Variants in KIAA1210 observed in about 807,000 individuals in gnomAD.
KIAA1210 encodes acrosomal protein KIAA1210.
A neutral mutation model predicts 78.9 loss-of-function variants in KIAA1210; 48 were observed. The ratio of observed to expected loss-of-function variants is 0.61; its 90% CI spans 0.48 to 0.77. KIAA1210 has a LOEUF of 0.77. Ranked by LOEUF, KIAA1210 falls within the 30% of genes least tolerant of loss-of-function variation. The pLI, the probability that KIAA1210 is intolerant of heterozygous loss-of-function variation, is 0.00. For synonymous variants in KIAA1210, 406 were observed against 404.5 expected, an observed-to-expected ratio of 1.00 and a Z score of -0.04; for missense variants, 1,108 against 1,100.0, an observed-to-expected ratio of 1.01 and a Z score of -0.10.
rs1926854675 is a variant in KIAA1210 at position 119,078,957 on chromosome X, G to A, written c.*2372C>T. The A allele has an allele frequency of 8.9e-6, 1 of 112,128 alleles. No individual in the cohort carries two copies. Among genetic ancestry groups the A allele is most frequent in the African/African-American group, 3.2e-5 (1 of 30,817 alleles). The allele number at this position is 112,128 out of a possible 1,213,427, so 9.2% of individuals were successfully genotyped here. A position where few individuals can be genotyped will look rare whatever the true frequency, so the allele number is the denominator to read the frequency against. On this transcript the variant is annotated 3_prime_UTR_variant, in exon 12 of 12. Transcript: ENST00000691062. ...GTTCACTGTAAAAAAGGGAAGGGAG[G>A]TGTAACAGCTAATCTACCAGGAGTA...
intron 2 of KIAA1210, among the ~76,000 whole-genome samples, chrX:119,145,393 AAT>A (rs762090273): frequency 2.4e-4 from 26 of 110,496 alleles, no homozygotes; most frequent in Non-Finnish European, 4.0e-4. Context: ...GACAACCAAA[AAT>A]GTCTCCAGAC....
Position 119,086,896 on chromosome X carries a change from C to T in KIAA1210, c.3806G>A (p.Gly1269Asp), listed in dbSNP as rs746608317. 8.3e-6 allele frequency: 10 copies of T among 1,209,070 alleles called. No homozygotes were observed. In the Admixed American group the frequency reaches 1.3e-4, roughly 16 times the overall value. The change falls in exon 9 of 12, where the codon GGC becomes GAC. Residue 1269 changes from glycine (G) to aspartate (D), a missense_variant. Physicochemically the swap from Gly to Asp is moderately conservative, Grantham distance 94. This residue lies in a region of KIAA1210 where 245 missense variants were observed against 278.8 expected (regional missense o/e 0.88). Coordinates refer to ENST00000691062, the MANE Select transcript of KIAA1210 (RefSeq NM_001394962.1). ...AAGATCTTCTTTCTTAGAGTAAATG[C>T]CCCCAGAAGTGGATGTTTGCCTGAC... ...APVRQTSTSG[G>D]IYSKKEDLES...
chrX:119,116,667 G>A lies in KIAA1210; in HGVS notation c.62-3C>T. 8.4e-7 allele frequency: 1 copy of A among 1,194,006 alleles called. No individual in the cohort carries two copies. The highest frequency in any genetic ancestry group is 1.1e-6 in the Non-Finnish European group (1 of 884,814). On this transcript the variant is annotated splice_polypyrimidine_tract_variant and splice_region_variant and intron_variant, in intron 2 of 11. Transcript: ENST00000691062. Reference sequence around the variant, plus strand: ...TTTAAATTTGCATTTCTTCTTTCCTGGAAGTGAAAAATGAAAATGAGGCAG... The same window carrying A: ...TTTAAATTTGCATTTCTTCTTTCCTAGAAGTGAAAAATGAAAATGAGGCAG...
chrX:119,149,147 G>T (rs1474155197), intron 1 of KIAA1210, among the ~76,000 whole-genome samples: 3 of 109,835 alleles, frequency 2.7e-5, no homozygotes, highest in Non-Finnish European at 3.8e-5. Flanking sequence ...CTGGAGCCTA[G>T]GAAAAAGCTC....
Position 119,088,302 on chromosome X carries a change from A to C in KIAA1210, c.2400T>G (p.Ile800Met), listed in dbSNP as rs1027971122. ...GTTTAGGAGGCAGAGGCTTCATAGA[A>C]ATGCTCTCTTCAACAGCCATGCTCT... ...SPKSMAVEES[I>M]SMKPLPPKLL... Residue 800 changes from isoleucine (I) to methionine (M), a missense_variant, in exon 9 of 12, where the codon ATT (isoleucine) becomes ATG (methionine). By Grantham distance (10) the Ile-to-Met change is conservative. Around this residue, in one of 5 missense-constraint regions of KIAA1210, gnomAD observed 672 missense variants for 607.1 expected, o/e 1.11. Transcript: ENST00000691062. The C allele has an allele frequency of 8.3e-7, 1 of 1,209,161 alleles. No homozygotes were observed. Among genetic ancestry groups the C allele is most frequent in the African/African-American group, 1.8e-5 (1 of 56,943 alleles).
chrX:119,149,431 G>T (rs1186868691), intron 1 of KIAA1210, among the ~76,000 whole-genome samples: 1 of 111,048 alleles, frequency 9.0e-6, no homozygotes, highest in Non-Finnish European at 1.9e-5. Context: ...CTAGCTTTGT[G>T]CCGAATTGTC....
At position 119,090,139 on chromosome X, in the gene KIAA1210, T is replaced by C. The variant is rs146609732; in HGVS notation, c.956-393A>G. 9.4e-4 allele frequency among the ~76,000 whole-genome samples: 104 copies of C among 110,170 alleles called. No individual in the cohort carries two copies. In the East Asian group the frequency reaches 0.028, roughly 30 times the overall value. On this transcript the variant is annotated intron_variant, in intron 8 of 11. Transcript: ENST00000691062. ...ATTTCTATTTTCTACATAATATTTA[T>C]CTGAACTACCTGAAATTTCATATCA...
intron 8 of KIAA1210, among the ~76,000 whole-genome samples, chrX:119,092,295 A>G (rs1206961734): frequency 9.0e-6 from 1 of 111,221 alleles, no homozygotes; most frequent in African/African-American, 3.3e-5. Context: ...TTCCCTCACT[A>G]TCTGCTGCAT....
chrX:119,120,179 C>G (rs1004427134), intron 2 of KIAA1210, among the ~76,000 whole-genome samples: 6 of 110,821 alleles, frequency 5.4e-5, no homozygotes, highest in African/African-American at 2.0e-4. Flanking sequence ...CTCTGCCTCC[C>G]AAGGTGCCAG....
intron 2 of KIAA1210, among the ~76,000 whole-genome samples, chrX:119,120,846 G>A (rs756541978): frequency 1.1e-3 from 120 of 111,806 alleles, no homozygotes; most frequent in Non-Finnish European, 1.4e-3. Context: ...GGGGAGACAC[G>A]GAGAGATGGT....
Position 119,088,189 on chromosome X carries a change from A to G in KIAA1210, c.2513T>C (p.Val838Ala), listed in dbSNP as rs1457186865. The G allele has an allele frequency of 8.3e-7, 1 of 1,210,607 alleles. No individual in the cohort carries two copies. Among genetic ancestry groups the G allele is most frequent in the Admixed American group, 2.2e-5 (1 of 46,073 alleles). ...AGAATATCTGGGGAGTAGTGGCTCC[A>G]CAGAAATGACTCTCTCAACAGCAAT... ...EDIAVERVIS[V>A]EPLLPRYSPQ... The change falls in exon 9 of 12, where the codon GTG (valine) becomes GCG (alanine). Residue 838 changes from valine (V) to alanine (A), a missense_variant. By Grantham distance (64) the Val-to-Ala change is moderately conservative. This residue lies in a region of KIAA1210 where 672 missense variants were observed against 607.1 expected (regional missense o/e 1.11). Coordinates refer to ENST00000691062, the MANE Select transcript of KIAA1210 (RefSeq NM_001394962.1).
At chrX:119,094,773 T>A (rs1427207308) in intron 7 of KIAA1210, among the ~76,000 whole-genome samples, 1 of 111,000 alleles carries the variant, frequency 9.0e-6, no homozygotes, top group African/African-American at 3.3e-5. Flanking sequence ...AGAGAGAGAG[T>A]CACAGGGAAG....
intron 8 of KIAA1210, among the ~76,000 whole-genome samples, chrX:119,091,655 G>A (rs1052078945): frequency 1.8e-5 from 2 of 111,771 alleles, no homozygotes; most frequent in Admixed American, 1.9e-4. Context: ...GCTCCATCTA[G>A]GGGTTTCATA....
intron 11 of KIAA1210, among the ~76,000 whole-genome samples, 170 bp downstream of exon 11, chrX:119,082,845 A>G (rs1237996716): frequency 8.9e-6 from 1 of 112,384 alleles, no homozygotes; most frequent in African/African-American, 3.2e-5. Flanking sequence ...AGTCAAAATA[A>G]TTAGATTTTC....
chrX:119,123,650 T>G lies in KIAA1210; in HGVS notation c.-8A>C. 1 of 1,188,589 alleles carries G rather than the reference T, an allele frequency of 8.4e-7. No individual in the cohort carries two copies. Among genetic ancestry groups the G allele is most frequent in the Non-Finnish European group, 1.1e-6 (1 of 878,142 alleles). ...ACTTAGTGATTCAGCCATTGTAGGA[T>G]GACTAAAATAAAATACAAAGCAAAA... On this transcript the variant is annotated splice_region_variant and 5_prime_UTR_variant, in exon 2 of 12. Transcript: ENST00000691062.
At chrX:119,141,330 T>G (rs1929045827) in intron 2 of KIAA1210, among the ~76,000 whole-genome samples, 1 of 112,039 alleles carries the variant, frequency 8.9e-6, no homozygotes, top group Non-Finnish European at 1.9e-5. Context: ...CTTGTTAATG[T>G]AAAAATGCAA....
chrX:119,103,797 C>T (rs954926470), intron 6 of KIAA1210, among the ~76,000 whole-genome samples: 2 of 112,032 alleles, frequency 1.8e-5, no homozygotes, highest in Admixed American at 9.4e-5. Context: ...ATAAATGTCA[C>T]GACATGGATG....
chrX:119,107,872 C>A (rs931229033), intron 5 of KIAA1210, among the ~76,000 whole-genome samples: 55 of 111,906 alleles, frequency 4.9e-4, no homozygotes, highest in African/African-American at 1.6e-3. Context: ...CCCCCTGAAG[C>A]ATTTCTGGAT....
At chrX:119,104,930 C>A in intron 6 of KIAA1210, 62 bp downstream of exon 6, 1 of 1,050,426 alleles carries the variant, frequency 9.5e-7, no homozygotes, top group Non-Finnish European at 1.3e-6. Flanking sequence ...ATAGATGATA[C>A]AAGAAGAAGT....
Sources: gnomAD v4.1 joint callset for allele counts (sites outside exome capture counted in the v4.1 genomes callset) on GRCh38, gnomAD v4.1.1 for gene constraint, gnomAD v4.1.1 regional missense constraint, MANE v1.5 for transcripts, NCBI Gene and HGNC (gene_info 2026-07-23, HGNC 2026-07-21) for gene names.